LRRC4C: variants seen among roughly 807,000 people sequenced by gnomAD.
The protein encoded by LRRC4C is leucine rich repeat containing 4C.
In LRRC4C, 5 loss-of-function variants were observed where a neutral mutation model predicts 33.6. That is an observed-to-expected ratio of 0.15 (90% CI 0.08 to 0.31). LRRC4C has a LOEUF of 0.31. Among genes scored for constraint, LRRC4C ranks in the 10% least tolerant of loss-of-function variants. The pLI, the probability that LRRC4C is intolerant of heterozygous loss-of-function variation, is 1.00. For synonymous variants in LRRC4C, 329 were observed against 302.0 expected (o/e 1.09, Z -0.93); for missense variants, 560 against 796.7 (o/e 0.70, Z 3.58).
At chr11:40,762,890 G>C (rs1949286342) in intron 2 of LRRC4C, among the ~76,000 whole-genome samples, 1 of 151,798 alleles carries the variant, frequency 6.6e-6, no homozygotes, top group African/African-American at 2.4e-5. Flanking sequence ...TTGTATTTTA[G>C]AGATGATATG....
At chr11:40,710,498 G>T (rs1946408023) in intron 2 of LRRC4C, among the ~76,000 whole-genome samples, 1 of 110,430 alleles carries the variant, frequency 9.1e-6, no homozygotes, top group African/African-American at 3.2e-5. Flanking sequence ...TCCAGCCCCT[G>T]TTTGCCTGGG....
At chr11:41,246,710 T>C (rs1948466398) in intron 1 of LRRC4C, among the ~76,000 whole-genome samples, 1 of 152,332 alleles carries the variant, frequency 6.6e-6, no homozygotes, top group East Asian at 1.9e-4. Context: ...TATGGTTTGC[T>C]ATTATTTTTG....
chr11:41,300,160 G>A (rs1474496060), intron 1 of LRRC4C, among the ~76,000 whole-genome samples: 2 of 152,178 alleles, frequency 1.3e-5, no homozygotes, highest in African/African-American at 4.8e-5. Context: ...AGAATTTGAA[G>A]TGTCACTGGG....
intron 6 of LRRC4C, among the ~76,000 whole-genome samples, chr11:40,136,572 G>A (rs573904618): frequency 1.3e-5 from 2 of 151,828 alleles, no homozygotes; most frequent in African/African-American, 4.8e-5. Context: ...CACCACGCCC[G>A]GCCCATCCAG....
chr11:40,883,071 T>G (rs1199872748), intron 2 of LRRC4C, among the ~76,000 whole-genome samples: 1 of 152,086 alleles, frequency 6.6e-6, no homozygotes, highest in Non-Finnish European at 1.5e-5. Context: ...TCCGTCTCAG[T>G]GTACATATCA....
intron 1 of LRRC4C, among the ~76,000 whole-genome samples, chr11:40,940,643 A>G (rs908948917): frequency 2.0e-5 from 3 of 152,128 alleles, no homozygotes; most frequent in Non-Finnish European, 2.9e-5. Context: ...TTCTTCCTTA[A>G]AACCTAAGTA....
In LRRC4C at chr11:40,955,244, G is replaced by A. The variant is rs139542330; in HGVS notation, c.-495-21521C>T. Among the ~76,000 whole-genome samples, 788 of 151,880 alleles carry A rather than the reference G, an allele frequency of 5.2e-3. 3 individuals are homozygous for A. Among genetic ancestry groups the A allele is most frequent in the African/African-American group, 0.018 (737 of 41,458 alleles). On this transcript the variant is annotated intron_variant, in intron 1 of 6. Transcript: ENST00000528697. ...CAATTTTTCAAAGCAGGGGACAAAC[G>A]TGTACCTAGAAAATGGTACATGTGA...
At chr11:40,335,023 TA>T (rs1298848147) in intron 3 of LRRC4C, among the ~76,000 whole-genome samples, 1 of 152,196 alleles carries the variant, frequency 6.6e-6, no homozygotes, top group African/African-American at 2.4e-5. Context: ...TTAAAATAAC[TA>T]AGCAACAATA....
intron 5 of LRRC4C, among the ~76,000 whole-genome samples, chr11:40,159,505 T>C (rs1858984257): frequency 6.6e-6 from 1 of 152,146 alleles, no homozygotes; most frequent in South Asian, 2.1e-4. Context: ...GATTAAGAAA[T>C]CTTCCTTAGA....
chr11:40,601,639 C>T lies in LRRC4C; in HGVS notation c.-270+46503G>A, dbSNP rs185469683. Among the ~76,000 whole-genome samples, 19 of 152,220 alleles carry T rather than the reference C, an allele frequency of 1.2e-4. No individual in the cohort carries two copies. The East Asian group carries it at 3.7e-3, about 29-fold the overall frequency. On this transcript the variant is annotated intron_variant, in intron 3 of 6. Transcript: ENST00000528697. The stretch of plus-strand genomic sequence containing the variant: ...TCATTTTGTATCATTAAAATTTCCA[C>T]GATGGGTGGATCCATGTCTAATTCA...
intron 1 of LRRC4C, among the ~76,000 whole-genome samples, chr11:41,210,149 C>CTG (rs1190687281): frequency 6.6e-6 from 1 of 152,142 alleles, no homozygotes; most frequent in African/African-American, 2.4e-5. Context: ...GCCACCCAGT[C>CTG]TGTGGTATTT....
At chr11:40,635,013 T>G (rs1591333950) in intron 3 of LRRC4C, among the ~76,000 whole-genome samples, 2 of 149,824 alleles carry the variant, frequency 1.3e-5, no homozygotes, top group African/African-American at 4.9e-5. Context: ...AAAAACAGGG[T>G]CCATGGCTAA....
chr11:40,874,380 T>G (rs2135962717), intron 2 of LRRC4C, among the ~76,000 whole-genome samples: 1 of 152,294 alleles, frequency 6.6e-6, no homozygotes, highest in Non-Finnish European at 1.5e-5. Flanking sequence ...CAAGAAAAGA[T>G]TATTCTCTGC....
At chr11:40,465,481 T>C (rs1952607286) in intron 3 of LRRC4C, among the ~76,000 whole-genome samples, 1 of 151,806 alleles carries the variant, frequency 6.6e-6, no homozygotes, top group South Asian at 2.1e-4. Flanking sequence ...CCTTCTGCAG[T>C]GTAAAAGACA....
chr11:40,991,822 G>A (rs1048271972), intron 1 of LRRC4C, among the ~76,000 whole-genome samples: 6 of 152,124 alleles, frequency 3.9e-5, no homozygotes, highest in African/African-American at 7.2e-5. Context: ...TAATGTGAGC[G>A]AGGGGAATTG....
At chr11:40,321,023 T>C (rs1457566636) in intron 3 of LRRC4C, among the ~76,000 whole-genome samples, 1 of 152,218 alleles carries the variant, frequency 6.6e-6, no homozygotes, top group Admixed American at 6.5e-5. Context: ...ACAATTTTAT[T>C]TTTAACTCAA....
In LRRC4C at chr11:40,194,936, A is replaced by T. The variant is rs184718560; in HGVS notation, c.-96+46583T>A. Among the ~76,000 whole-genome samples, 1,289 of 143,970 alleles carry T rather than the reference A, an allele frequency of 9.0e-3. 9 individuals carry two copies. Among genetic ancestry groups the T allele is most frequent in the African/African-American group, 0.03 (1,187 of 39,590 alleles). The allele number at this position is 143,970 out of a possible 152,430, so 94.4% of individuals were successfully genotyped here. ...ACCCCGTTTCTACTTAAAAAAAAAC[A>T]AACAATTAGCCGGGTGTGGTGGCGG... On this transcript the variant is annotated intron_variant, in intron 5 of 6. Transcript: ENST00000528697.
intron 3 of LRRC4C, among the ~76,000 whole-genome samples, chr11:40,534,473 C>G (rs1279096173): frequency 2.0e-5 from 3 of 152,078 alleles, no homozygotes; most frequent in Admixed American, 6.6e-5. Context: ...GAGTCAGAAG[C>G]CTTGTTTGCC....
chr11:40,980,937 C>G (rs1028061951), intron 1 of LRRC4C, among the ~76,000 whole-genome samples: 1 of 152,138 alleles, frequency 6.6e-6, no homozygotes, highest in African/African-American at 2.4e-5. Flanking sequence ...TCAGGCTCTA[C>G]AAATCTAATT....
Sources: gnomAD v4.1 joint callset for allele counts (sites outside exome capture counted in the v4.1 genomes callset) on GRCh38, gnomAD v4.1.1 for gene constraint, MANE v1.5 for transcripts, NCBI Gene and HGNC (gene_info 2026-07-23, HGNC 2026-07-21) for gene names.